The following ABCG2 variants were observed in gnomAD, a reference collection of about 807,000 sequenced individuals.
ABCG2 encodes the protein ATP binding cassette subfamily G member 2 (JR blood group), also known as broad substrate specificity ATP-binding cassette transporter ABCG2.
A neutral mutation model predicts 73.5 loss-of-function variants in ABCG2; 80 were observed. That is an observed-to-expected ratio of 1.09 (90% CI 0.91 to 1.31). The LOEUF is 1.31. Ranked by LOEUF, ABCG2 falls within the 50% of genes most tolerant of loss-of-function variation. The pLI, the probability that ABCG2 is intolerant of heterozygous loss-of-function variation, is 0.00. For missense variants in ABCG2, 796 were observed against 786.2 expected (o/e 1.01, Z -0.15); for synonymous variants, 269 against 282.4 (o/e 0.95, Z 0.48).
chr4:88,100,034 A>C (rs1329253298), intron 11 of ABCG2, among the ~76,000 whole-genome samples: 1 of 152,014 alleles, frequency 6.6e-6, no homozygotes, highest in African/African-American at 2.4e-5. Context: ...CCTCTTCCTG[A>C]CATCTTTCTC....
intron 9 of ABCG2, among the ~76,000 whole-genome samples, chr4:88,111,017 C>T (rs112860782): frequency 5.3e-5 from 8 of 152,274 alleles, no homozygotes; most frequent in African/African-American, 1.9e-4. Context: ...GAAGCTAAAC[C>T]TAGAGGCACT....
At chr4:88,108,080 A>C (rs1722876908) in intron 9 of ABCG2, among the ~76,000 whole-genome samples, 1 of 152,246 alleles carries the variant, frequency 6.6e-6, no homozygotes, top group Non-Finnish European at 1.5e-5. Flanking sequence ...ATAGCTCCTA[A>C]GGAGACTGGA....
At chr4:88,176,530 G>A (rs1727988071) in intron 1 of ABCG2, among the ~76,000 whole-genome samples, 1 of 142,738 alleles carries the variant, frequency 7.0e-6, no homozygotes, top group Non-Finnish European at 1.5e-5. Flanking sequence ...ACTCAGGTTG[G>A]AGTGTGATGG....
At chr4:88,123,724 C>T (rs1724181469) in intron 5 of ABCG2, among the ~76,000 whole-genome samples, 1 of 152,016 alleles carries the variant, frequency 6.6e-6, no homozygotes, top group Non-Finnish European at 1.5e-5. Context: ...AGAATGGAAC[C>T]AAGTTGGAAA....
chr4:88,202,850 C>T (rs997644343), intron 1 of ABCG2, among the ~76,000 whole-genome samples: 1 of 151,908 alleles, frequency 6.6e-6, no homozygotes, highest in Non-Finnish European at 1.5e-5. Context: ...CAGAGAGGGA[C>T]CCTGTCTCTA....
At chr4:88,187,093 CAAAAAAAAAAA>C (rs61116461) in intron 1 of ABCG2, among the ~76,000 whole-genome samples, 1 of 45,194 alleles carries the variant, frequency 2.2e-5, no homozygotes, top group African/African-American at 9.7e-5. Flanking sequence ...GATTCTGTCT[CAAAAAAAAAAA>C]AAAAAAAAAA....
At chr4:88,207,500 G>A (rs142275104) in intron 1 of ABCG2, among the ~76,000 whole-genome samples, 8 of 152,240 alleles carry the variant, frequency 5.3e-5, no homozygotes, top group African/African-American at 1.9e-4. Flanking sequence ...ATTGGGTGCT[G>A]AGATATATTA....
At chr4:88,156,245 C>T (rs1280987106) in intron 1 of ABCG2, among the ~76,000 whole-genome samples, 2 of 151,616 alleles carry the variant, frequency 1.3e-5, no homozygotes, top group African/African-American at 4.8e-5. Flanking sequence ...TGTGGTGCTA[C>T]GTACCTGTAA....
chr4:88,230,338 TA>T (rs1180019032), intron 1 of ABCG2, among the ~76,000 whole-genome samples: 3 of 137,940 alleles, frequency 2.2e-5, no homozygotes, highest in African/African-American at 8.6e-5. Flanking sequence ...TATATATATA[TA>T]TATATATTTT....
At chr4:88,106,133 GT>G (rs570320928) in intron 10 of ABCG2, among the ~76,000 whole-genome samples, 1 of 151,686 alleles carries the variant, frequency 6.6e-6, no homozygotes, top group African/African-American at 2.4e-5. Context: ...CTAAAATAGG[GT>G]TTTTTTTGTT....
At chr4:88,124,427 T>C (rs940139467) in intron 5 of ABCG2, among the ~76,000 whole-genome samples, 7 of 152,122 alleles carry the variant, frequency 4.6e-5, no homozygotes, top group African/African-American at 1.7e-4. Flanking sequence ...CCATCTCACA[T>C]GAAAGATACA....
intron 10 of ABCG2, among the ~76,000 whole-genome samples, chr4:88,104,452 C>A (rs1330938511): frequency 6.6e-6 from 1 of 152,142 alleles, no homozygotes; most frequent in African/African-American, 2.4e-5. Context: ...ATCATATACA[C>A]AGGCCACTTT....
intron 5 of ABCG2, among the ~76,000 whole-genome samples, chr4:88,124,637 T>C (rs1724259312): frequency 6.6e-6 from 1 of 152,166 alleles, no homozygotes; most frequent in Non-Finnish European, 1.5e-5. Context: ...ATGCACCCAA[T>C]ACAGGAGCAT....
chr4:88,098,908 T>G (rs923803428), intron 12 of ABCG2, among the ~76,000 whole-genome samples: 17 of 152,182 alleles, frequency 1.1e-4, no homozygotes, highest in Admixed American at 5.9e-4. Context: ...GCCAGGAGTA[T>G]AAGACCAGCA....
intron 1 of ABCG2, chr4:88,201,917 T>G (rs559425469): frequency 6.8e-4 from 103 of 152,208 alleles, no homozygotes; most frequent in Middle Eastern, 3.4e-3. Flanking sequence ...GTACATTAAG[T>G]GTTAAGAAGC....
chr4:88,116,381 T>C (rs1344361854), intron 7 of ABCG2, among the ~76,000 whole-genome samples: 1 of 152,142 alleles, frequency 6.6e-6, no homozygotes, highest in Non-Finnish European at 1.5e-5. Flanking sequence ...GTCTGACTCT[T>C]AGTTCATCCC....
chr4:88,213,310 A>T (rs1729674818), intron 1 of ABCG2, among the ~76,000 whole-genome samples: 1 of 152,120 alleles, frequency 6.6e-6, no homozygotes, highest in African/African-American at 2.4e-5. Context: ...TCTGTTTCCT[A>T]TTTCAACACC....
intron 1 of ABCG2, among the ~76,000 whole-genome samples, chr4:88,212,228 C>T (rs1729633053): frequency 6.6e-6 from 1 of 152,132 alleles, no homozygotes; most frequent in Non-Finnish European, 1.5e-5. Flanking sequence ...ATATGAACAT[C>T]CCAAAGTGGA....
In ABCG2 at chr4:88,107,167, G is replaced by T. The variant is rs764561522; in HGVS notation, c.1277+17C>A. 3 of 1,573,356 alleles carry T rather than the reference G, an allele frequency of 1.9e-6. No homozygotes were observed. In the African/African-American group the frequency reaches 4.1e-5, roughly 21 times the overall value. ...AGTAACAGCATTTTCTGAAAATCAA[G>T]ATCCAAATTTACTTACCTGTTCTGG... On this transcript the variant is annotated intron_variant, in intron 10 of 15. Transcript: ENST00000237612.
Sources: gnomAD v4.1 joint callset for allele counts (sites outside exome capture counted in the v4.1 genomes callset) on GRCh38, gnomAD v4.1.1 for gene constraint, MANE v1.5 for transcripts, NCBI Gene and HGNC (gene_info 2026-07-23, HGNC 2026-07-21) for gene names.